The following AP2A2 variants were observed in gnomAD, a reference collection of about 807,000 sequenced individuals.
AP2A2 encodes AP-2 complex subunit alpha-2.
In AP2A2, 32 loss-of-function variants were observed where a neutral mutation model predicts 104.2. The observed-to-expected ratio is 0.31, with a 90% CI of 0.23 to 0.41. The LOEUF is 0.41. AP2A2 is among the 10% of genes least tolerant of loss of function. The probability of loss-of-function intolerance (pLI) is 1.00; values close to 1 mark genes in which losing one functional copy is unlikely to be tolerated. For synonymous variants in AP2A2, 539 were observed against 533.3 expected (o/e 1.01, Z -0.15); for missense variants, 912 against 1,261.0 (o/e 0.72, Z 4.19).
At position 985,590 on chromosome 11, in the gene AP2A2, G is replaced by T. The variant is rs376825131; in HGVS notation, c.962+8G>T. ...AATCATTCACCATGACAGGTGTGTC[G>T]GCTGCCTGTGGAGAGGCTTCGTCTC... On this transcript the variant is annotated splice_region_variant and intron_variant, in intron 8 of 21. Coordinates refer to ENST00000448903, the MANE Select transcript of AP2A2 (RefSeq NM_012305.4). The T allele has an allele frequency of 2.7e-5, 43 of 1,613,664 alleles. No individual in the cohort carries two copies. Among genetic ancestry groups the T allele is most frequent in the Non-Finnish European group, 3.6e-5 (42 of 1,179,868 alleles).
At chr11:926,847 C>T (rs1375680082) in intron 1 of AP2A2, among the ~76,000 whole-genome samples, 1 of 152,140 alleles carries the variant, frequency 6.6e-6, no homozygotes, top group Non-Finnish European at 1.5e-5. Flanking sequence ...CCACACCAAA[C>T]CGTTAAACAA....
intron 10 of AP2A2, among the ~76,000 whole-genome samples, chr11:991,206 G>A (rs1855643547): frequency 2.0e-5 from 3 of 152,264 alleles, no homozygotes; most frequent in African/African-American, 7.2e-5. Context: ...ATGGCAGGGC[G>A]TGTTCTCTGG....
At chr11:984,911 C>A (rs189328495) in intron 7 of AP2A2, among the ~76,000 whole-genome samples, 158 bp downstream of exon 7, 1 of 152,218 alleles carries the variant, frequency 6.6e-6, no homozygotes, top group South Asian at 2.1e-4. Flanking sequence ...CGCTGGCTTT[C>A]GTGGAGCAGT....
rs931630368 is a variant in AP2A2 at position 974,623 on chromosome 11, A to G, written c.473+2368A>G. Among the ~76,000 whole-genome samples the G allele has an allele frequency of 2.0e-5, 3 of 148,900 alleles. No homozygotes were observed. In the Admixed American group the frequency reaches 2.1e-4, roughly 10 times the overall value. ...CTTGAACCCAGGAGGCGGAGGCTGCAGTAAGTTGGAGATTGCACCACTACA... is the reference window on the plus strand; with the variant it reads ...CTTGAACCCAGGAGGCGGAGGCTGCGGTAAGTTGGAGATTGCACCACTACA... On this transcript the variant is annotated intron_variant, in intron 4 of 21. Transcript: ENST00000448903.
rs757190222 is a variant in AP2A2, at chr11:935,603, G to GTTTTTTTTTTTTTTTTTTTT, written c.67+9518_67+9537dup. Among the ~76,000 whole-genome samples the GTTTTTTTTTTTTTTTTTTTT allele has an allele frequency of 1.1e-3, 85 of 77,950 alleles. 13 individuals are homozygous for GTTTTTTTTTTTTTTTTTTTT. Among genetic ancestry groups the GTTTTTTTTTTTTTTTTTTTT allele is most frequent in the East Asian group, 1.8e-3 (3 of 1,664 alleles). 51.1% of individuals were successfully genotyped at this position (77,950 alleles called of 152,430 possible). A position where few individuals can be genotyped will look rare whatever the true frequency, so the allele number is the denominator to read the frequency against. The stretch of plus-strand genomic sequence containing the variant: ...AAGTGTGAGCCACTGTGCCCGGCCA[G>GTTTTTTTTTTTTTTTTTTTT]TTTTTTTTTTTTTTTTTTTTTTGAG... On this transcript the variant is annotated intron_variant, in intron 1 of 21. Coordinates refer to ENST00000448903, the MANE Select transcript of AP2A2 (RefSeq NM_012305.4).
rs1349289143 is a variant in AP2A2, at chr11:992,016, A to G, written c.1270-487A>G. ...GTGAGAGTGAGCCAGAGAGGGGAAG[A>G]AGGGGAACCCCCAGGTGAGGCTCGC... On this transcript the variant is annotated intron_variant, in intron 10 of 21. Coordinates refer to ENST00000448903, the MANE Select transcript of AP2A2 (RefSeq NM_012305.4). The surrounding 1 kb of genome is among the most constrained non-coding windows in gnomAD (Gnocchi z 6.4). 6.6e-6 allele frequency among the ~76,000 whole-genome samples: 1 copy of G among 152,114 alleles called. No individual in the cohort carries two copies. The highest frequency in any genetic ancestry group is 1.5e-5 in the Non-Finnish European group (1 of 68,018).
chr11:990,735 G>C (rs1489154726), intron 10 of AP2A2, among the ~76,000 whole-genome samples: 1 of 137,778 alleles, frequency 7.3e-6, no homozygotes, highest in African/African-American at 2.8e-5. Flanking sequence ...TGGGCATGGT[G>C]CTCCCCCCAC....
At chr11:957,503 G>A (rs962717175) in intron 1 of AP2A2, among the ~76,000 whole-genome samples, 4 of 152,236 alleles carry the variant, frequency 2.6e-5, no homozygotes, top group Non-Finnish European at 5.9e-5. Flanking sequence ...AGACAAGGTA[G>A]GTCAGAGAAT....
chr11:1,004,805 A>G (rs1270426089), intron 16 of AP2A2, among the ~76,000 whole-genome samples: 3 of 152,204 alleles, frequency 2.0e-5, no homozygotes, highest in Non-Finnish European at 4.4e-5. Context: ...TAATGCATAC[A>G]TCATTATTTA....
At chr11:941,350 C>T (rs1270513982) in intron 1 of AP2A2, among the ~76,000 whole-genome samples, 3 of 152,138 alleles carry the variant, frequency 2.0e-5, no homozygotes, top group African/African-American at 7.2e-5. Context: ...CTGATTGTTT[C>T]TACACACATG....
intron 4 of AP2A2, 145 bp from the exon 5 acceptor site, chr11:976,950 C>A: frequency 4.0e-6 from 4 of 1,009,192 alleles, no homozygotes; most frequent in Admixed American, 2.4e-5. Flanking sequence ...GCCCCCTAGG[C>A]GGCCTCGGCA....
intron 1 of AP2A2, among the ~76,000 whole-genome samples, chr11:941,364 C>A (rs1480561132): frequency 6.6e-6 from 1 of 152,124 alleles, no homozygotes; most frequent in Admixed American, 6.6e-5. Flanking sequence ...ACACATGCCC[C>A]GGCCCCCATT....
chr11:940,151 G>T (rs926590539), intron 1 of AP2A2, among the ~76,000 whole-genome samples: 2 of 151,136 alleles, frequency 1.3e-5, no homozygotes, highest in Non-Finnish European at 3.0e-5. Context: ...ACGGGGTTTC[G>T]CCATGTTGGC....
intron 2 of AP2A2, among the ~76,000 whole-genome samples, chr11:969,889 C>T (rs535514050): frequency 1.3e-5 from 2 of 152,322 alleles, no homozygotes; most frequent in South Asian, 2.1e-4. Context: ...CTGGGCTGCA[C>T]CTGCCCAGGG....
At chr11:974,268 G>GAAGGGAGTGGGTGGCCC (rs1268869331) in intron 4 of AP2A2, among the ~76,000 whole-genome samples, 1 of 152,176 alleles carries the variant, frequency 6.6e-6, no homozygotes, top group African/African-American at 2.4e-5. Context: ...GTGGTCCCAT[G>GAAGGGAGTGGGTGGCCC]GGGATGAAGG....
intron 1 of AP2A2, among the ~76,000 whole-genome samples, chr11:951,398 G>GAA (rs1229047653): frequency 6.6e-6 from 1 of 152,012 alleles, no homozygotes; most frequent in African/African-American, 2.4e-5. Context: ...GTAGTGGCAG[G>GAA]CGCCTGTAAT....
chr11:949,076 G>A (rs1053008188), intron 1 of AP2A2, among the ~76,000 whole-genome samples: 13 of 151,880 alleles, frequency 8.6e-5, no homozygotes, highest in African/African-American at 2.9e-4. Context: ...ATCATTTGAG[G>A]TCAGGAGTTC....
rs1373220561 is a variant in AP2A2, at chr11:993,086, C to T, written c.1453-198C>T. Among the ~76,000 whole-genome samples, 1 of 152,182 alleles carries T rather than the reference C, an allele frequency of 6.6e-6. No individual in the cohort carries two copies. The highest frequency in any genetic ancestry group is 1.5e-5 in the Non-Finnish European group (1 of 68,030). On this transcript the variant is annotated intron_variant, in intron 11 of 21. Coordinates refer to ENST00000448903, the MANE Select transcript of AP2A2 (RefSeq NM_012305.4). The surrounding 1 kb of genome is among the most constrained non-coding windows in gnomAD (Gnocchi z 8.2). ...TGCAGCTCCCTCCAGGGCAGGTCAG[C>T]GTGTGGCAGCCTTGGGTTCCTTGCT...
chr11:942,292 C>G (rs1406412296), intron 1 of AP2A2: 1 of 152,206 alleles, frequency 6.6e-6, no homozygotes, highest in Non-Finnish European at 1.5e-5. Context: ...GCATGTATTT[C>G]TCAGTGGAAT....
Sources: allele counts gnomAD v4.1 joint callset (sites outside exome capture counted in the v4.1 genomes callset), GRCh38; gene constraint gnomAD v4.1.1; non-coding constraint Gnocchi (gnomAD v3.1); transcripts MANE v1.5; gene names NCBI Gene and HGNC (gene_info 2026-07-23, HGNC 2026-07-21).